KRT8: variants seen among roughly 807,000 people sequenced by gnomAD.
The protein encoded by KRT8 is keratin 8, also known as keratin, type II cytoskeletal 8.
KRT8 carries 24 observed loss-of-function variants against 43.0 expected under a neutral mutation model. The ratio of observed to expected loss-of-function variants is 0.56; its 90% CI spans 0.40 to 0.78. KRT8 has a LOEUF of 0.78. Among genes scored for constraint, KRT8 ranks in the 30% least tolerant of loss-of-function variants. The pLI, the probability that KRT8 is intolerant of heterozygous loss-of-function variation, is 0.00. For synonymous variants in KRT8, 214 were observed against 261.2 expected (o/e 0.82, Z 1.74); for missense variants, 492 against 638.4 (o/e 0.77, Z 2.47).
chr12:52,949,027 C>G (rs1942405291), intron 2 of KRT8: 2 of 723,040 alleles, frequency 2.8e-6, no homozygotes, highest in East Asian at 2.8e-5. Flanking sequence ...GGCTCCGAGC[C>G]GTCCACCTGT....
At chr12:52,905,091 G>A (rs1252811527), upstream of KRT8, 1 of 1,472,944 alleles carries the variant, frequency 6.8e-7, no homozygotes, top group African/African-American at 1.4e-5. Context: ...TTTTATAAAA[G>A]AGATCCCAGC....
intron 2 of KRT8, among the ~76,000 whole-genome samples, chr12:52,929,228 C>T (rs2120691027): frequency 1.4e-5 from 2 of 147,896 alleles, no homozygotes; most frequent in South Asian, 4.3e-4. Flanking sequence ...CTCATTCGCC[C>T]AGGCTAGAGT....
intron 2 of KRT8, among the ~76,000 whole-genome samples, chr12:52,914,297 G>T (rs907000619): frequency 2.0e-5 from 3 of 151,948 alleles, no homozygotes; most frequent in African/African-American, 7.3e-5. Context: ...AGCACTTTGG[G>T]AGGCCGAGGC....
chr12:52,931,217 G>A (rs1273116175), intron 2 of KRT8, among the ~76,000 whole-genome samples: 4 of 151,942 alleles, frequency 2.6e-5, no homozygotes, highest in Non-Finnish European at 2.9e-5. Context: ...ACAGGCACCC[G>A]CCATCAAGCC....
chr12:52,933,117 T>C (rs1410347854), intron 2 of KRT8, among the ~76,000 whole-genome samples: 3 of 152,126 alleles, frequency 2.0e-5, no homozygotes, highest in Admixed American at 6.6e-5. Context: ...CTAATTTTTT[T>C]GTATTTTCAG....
chr12:52,904,941 G>A (rs781721772), exon 1 of KRT8: 3 of 1,612,142 alleles, frequency 1.9e-6, no homozygotes, highest in East Asian at 2.2e-5. Flanking sequence ...GGGGCCAGAG[G>A]TGGACACCTT....
At chr12:52,915,814 A>G (rs1399015907) in intron 2 of KRT8, among the ~76,000 whole-genome samples, 1 of 152,218 alleles carries the variant, frequency 6.6e-6, no homozygotes, top group African/African-American at 2.4e-5. Context: ...ACCAATAAAG[A>G]CGTGGAACCA....
chr12:52,899,479 G>A (rs1160162042), intron 5 of KRT8, among the ~76,000 whole-genome samples: 2 of 152,028 alleles, frequency 1.3e-5, no homozygotes, highest in Non-Finnish European at 2.9e-5. Flanking sequence ...AAGCAGCAGA[G>A]CTCAACCTTA....
intron 2 of KRT8, among the ~76,000 whole-genome samples, chr12:52,924,571 A>G (rs1346354427): frequency 6.6e-6 from 1 of 152,218 alleles, no homozygotes; most frequent in African/African-American, 2.4e-5. Flanking sequence ...CTTGGGCGAC[A>G]GAGCCAGACC....
intron 7 of KRT8, 64 bp from the exon 8 acceptor site, chr12:52,897,682 C>T: frequency 1.9e-6 from 3 of 1,594,810 alleles, no homozygotes; most frequent in Admixed American, 3.3e-5. Flanking sequence ...CTCCATGCCC[C>T]TTCTCCCTGC....
chr12:52,907,484 G>A (rs979900372), upstream of KRT8, among the ~76,000 whole-genome samples: 1 of 152,178 alleles, frequency 6.6e-6, no homozygotes, highest in Non-Finnish European at 1.5e-5. Flanking sequence ...CAAAAAAACA[G>A]CACCCCAAAG....
chr12:52,903,822 G>T (rs1178418545), intron 1 of KRT8, among the ~76,000 whole-genome samples: 1 of 151,644 alleles, frequency 6.6e-6, no homozygotes, highest in Admixed American at 6.6e-5. Context: ...TGGGCTTTCC[G>T]AGGCCAGGCC....
At chr12:52,945,645 T>A (rs1311670684) in intron 2 of KRT8, among the ~76,000 whole-genome samples, 5 of 152,186 alleles carry the variant, frequency 3.3e-5, no homozygotes. Context: ...GGGTCATCTC[T>A]GAGTCTACTC....
intron 2 of KRT8, among the ~76,000 whole-genome samples, chr12:52,926,683 T>A (rs973253918): frequency 2.6e-5 from 4 of 152,162 alleles, no homozygotes; most frequent in Admixed American, 6.6e-5. Context: ...TGAGGCATTT[T>A]CCATATTTGT....
chr12:52,946,620 A>G (rs1942347997), intron 2 of KRT8: 1 of 152,094 alleles, frequency 6.6e-6, no homozygotes, highest in Admixed American at 6.5e-5. Context: ...TAGCTTGTTG[A>G]CTCCACATAC....
chr12:52,923,267 A>G (rs1941923345), intron 2 of KRT8, among the ~76,000 whole-genome samples: 1 of 152,244 alleles, frequency 6.6e-6, no homozygotes, highest in Non-Finnish European at 1.5e-5. Flanking sequence ...GCAGGAAAAC[A>G]TAAGTTTGGA....
chr12:52,932,380 C>T (rs1288529724), intron 2 of KRT8, among the ~76,000 whole-genome samples: 2 of 152,144 alleles, frequency 1.3e-5, no homozygotes, highest in East Asian at 3.9e-4. Flanking sequence ...AGCCACCGCG[C>T]CTGGCAAATC....
rs71092794 is a variant in KRT8 at position 52,935,378 on chromosome 12, C to CAAAA, written c.-47+14074_-47+14077dup. Among the ~76,000 whole-genome samples, 5 of 23,752 alleles carry CAAAA rather than the reference C, an allele frequency of 2.1e-4. 1 individual carries two copies. The highest frequency in any genetic ancestry group is 9.7e-4 in the African/African-American group (5 of 5,156). 15.6% of individuals were successfully genotyped at this position (23,752 alleles called of 152,430 possible). ...TGGGTGACAGAGCAAGACTCTGTCT[C>CAAAA]AAAAAAAAAAAAAAAAAAAAAAAAA... On this transcript the variant is annotated intron_variant, in intron 2 of 6. Coordinates refer to the KRT8 transcript ENST00000546826.
intron 2 of KRT8, among the ~76,000 whole-genome samples, chr12:52,930,728 T>TTTA (rs1225323088): frequency 4.6e-5 from 7 of 151,900 alleles, no homozygotes; most frequent in Non-Finnish European, 8.8e-5. Flanking sequence ...ACCTGGCTAA[T>TTTA]ATTTTTATTT....
Sources: allele counts gnomAD v4.1 joint callset (sites outside exome capture counted in the v4.1 genomes callset), GRCh38; gene constraint gnomAD v4.1.1; transcripts MANE v1.5; gene names NCBI Gene and HGNC (gene_info 2026-07-23, HGNC 2026-07-21).